The following ZNF229 variants were observed in gnomAD, a reference collection of about 807,000 sequenced individuals.
ZNF229 encodes the protein zinc finger protein 229.
ZNF229 carries 10 observed loss-of-function variants against 11.8 expected under a neutral mutation model. The ratio of observed to expected loss-of-function variants is 0.85; its 90% CI spans 0.52 to 1.44. ZNF229 has a LOEUF of 1.44. Among genes scored for constraint, ZNF229 ranks in the 40% most tolerant of loss-of-function variants. The pLI, the probability that ZNF229 is intolerant of heterozygous loss-of-function variation, is 0.00. For missense variants in ZNF229, 1,045 were observed against 1,015.1 expected, an observed-to-expected ratio of 1.03 and a Z score of -0.40; for synonymous variants, 368 against 374.8, an observed-to-expected ratio of 0.98 and a Z score of 0.21.
chr19:44,430,424 G>A lies in ZNF229; in HGVS notation c.357C>T (p.Ser119=). Residue 119 remains serine, a synonymous_variant, in exon 6 of 6, where the codon AGC becomes AGT. Coordinates refer to ENST00000614049, the MANE Select transcript of ZNF229 (RefSeq NM_014518.4). The stretch of plus-strand genomic sequence containing the variant: ...CTTGCAGATTTACTCTACAGTCTTG[G>A]CTCCCAGGTAATTCACCTGCCACCT... The part of the protein sequence containing the change: ...WEEVAGELPG[S]QDCRVNLQGK... 6.2e-7 allele frequency: 1 copy of A among 1,614,118 alleles called. No individual in the cohort carries two copies. The highest frequency in any genetic ancestry group is 8.5e-7 in the Non-Finnish European group (1 of 1,180,044).
In ZNF229 at chr19:44,428,793, T is replaced by C. The variant is rs61747137; in HGVS notation, c.1988A>G (p.Lys663Arg). 2.9e-5 allele frequency: 47 copies of C among 1,613,320 alleles called. No homozygotes were observed. The Admixed American group carries it at 7.7e-4, about 26-fold the overall frequency. Reference sequence around the variant, plus strand: ...AAGGCTTGATGTGCACCTAAAGCCCTTTCCGCACTCTTGGCATCTGTAAGG... The same window carrying C: ...AAGGCTTGATGTGCACCTAAAGCCCCTTCCGCACTCTTGGCATCTGTAAGG... ...EKPYRCQECG[K>R]GFRCTSSLHK... The change falls in exon 6 of 6, where the codon AAG becomes AGG. Residue 663 changes from lysine (K) to arginine (R), a missense_variant. Coordinates refer to ENST00000614049, the MANE Select transcript of ZNF229 (RefSeq NM_014518.4).
At chr19:44,430,667 G>A (rs17347726) in intron 5 of ZNF229, 125 bp from the exon 6 acceptor site, 1 of 844,868 alleles carries the variant, frequency 1.2e-6, no homozygotes, top group Non-Finnish European at 1.7e-6. Context: ...ATAACTATTA[G>A]AGCACTTATG....
chr19:44,431,760 T>C (rs1971726297), intron 5 of ZNF229: 2 of 987,868 alleles, frequency 2.0e-6, no homozygotes, highest in South Asian at 9.3e-5. Context: ...GGCCTCATGG[T>C]TCTCACCTGG....
intron 4 of ZNF229, among the ~76,000 whole-genome samples, chr19:44,434,467 T>C (rs957062502): frequency 6.6e-6 from 1 of 152,218 alleles, no homozygotes; most frequent in Non-Finnish European, 1.5e-5. Flanking sequence ...AATTTCAAAC[T>C]ATGCTGTGTC....
At chr19:44,442,503 CG>C (rs1971930089) in intron 4 of ZNF229, 59 bp downstream of exon 4, 1 of 1,563,078 alleles carries the variant, frequency 6.4e-7, no homozygotes, top group African/African-American at 1.4e-5. Flanking sequence ...CGAGAAGGGA[CG>C]TATGTTTTCT....
Position 44,429,324 on chromosome 19 carries a change from T to C in ZNF229, c.1457A>G (p.Glu486Gly). Residue 486 changes from glutamate (E) to glycine (G), a missense_variant, in exon 6 of 6, where the codon GAG becomes GGG. Physicochemically the swap from Glu to Gly is moderately conservative, Grantham distance 98. Transcript: ENST00000614049. The part of the protein sequence containing the change: ...LSSHQKTHTG[E>G]RPYQCDKCGK... ...ACACTTGTCACACTGGTAGGGCCTC[T>C]CGCCGGTGTGTGTCTTCTGATGACT... is the stretch of plus-strand genomic sequence containing the variant. The C allele has an allele frequency of 6.2e-7, 1 of 1,614,116 alleles. No individual in the cohort carries two copies. The highest frequency in any genetic ancestry group is 1.3e-5 in the African/African-American group (1 of 75,012).
intron 4 of ZNF229, among the ~76,000 whole-genome samples, chr19:44,434,487 T>C (rs1454074470): frequency 1.3e-5 from 2 of 151,770 alleles, no homozygotes; most frequent in Non-Finnish European, 2.9e-5. Context: ...CCCCTTCAGC[T>C]ACGAATGGTG....
At chr19:44,438,127 A>G (rs1231108558) in intron 4 of ZNF229, among the ~76,000 whole-genome samples, 1 of 152,230 alleles carries the variant, frequency 6.6e-6, no homozygotes, top group African/African-American at 2.4e-5. Context: ...AATTTTTAAA[A>G]AAGTAAAGAT....
rs367718283 is a variant in ZNF229, at chr19:44,429,444, G to C, written c.1337C>G (p.Ser446Cys). 1.2e-6 allele frequency: 2 copies of C among 1,613,694 alleles called. No individual in the cohort carries two copies. Among genetic ancestry groups the C allele is most frequent in the African/African-American group, 2.7e-5 (2 of 74,716 alleles). The change falls in exon 6 of 6, where the codon TCT (serine) becomes TGT (cysteine). Residue 446 changes from serine to cysteine, a missense_variant. By Grantham distance (112) the Ser-to-Cys change is moderately radical (BLOSUM62 -1). Transcript: ENST00000614049. ...AATGTGCTGGTGTTTGTGCAGTGCA[G>C]ACTTGGCACAGAAGCCTTTGCCACA... ...SECGKGFCAK[S>C]ALHKHQHIHP...
chr19:44,441,061 C>G (rs553609490), intron 4 of ZNF229, among the ~76,000 whole-genome samples: 176 of 152,028 alleles, frequency 1.2e-3, no homozygotes, highest in Non-Finnish European at 2.2e-3. Context: ...GATACTATAG[C>G]CAAGTCTTTG....
At chr19:44,435,504 A>C (rs1342171011) in intron 4 of ZNF229, among the ~76,000 whole-genome samples, 3 of 152,212 alleles carry the variant, frequency 2.0e-5, no homozygotes, top group Non-Finnish European at 4.4e-5. Flanking sequence ...AATAAATTGC[A>C]ACAAGGCCTG....
In ZNF229 at chr19:44,429,737, G is replaced by C; in HGVS notation, c.1044C>G (p.Pro348=). 1 of 1,614,082 alleles carries C rather than the reference G, an allele frequency of 6.2e-7. No homozygotes were observed. Among genetic ancestry groups the C allele is most frequent in the Admixed American group, 1.7e-5 (1 of 60,016 alleles). Residue 348 remains proline, a synonymous_variant, in exon 6 of 6, where the codon CCC becomes CCG. Transcript: ENST00000614049. ...CCTTTCCACAGACATCACATCTATA[G>C]GGCATGTCTCCCACAGGGGCTCTGG... ...NHPRAPVGDM[P]YRCDVCGKGF... is the part of the protein sequence containing the mutation.
At chr19:44,446,698 C>T (rs1042244413) in intron 2 of ZNF229, among the ~76,000 whole-genome samples, 1 of 152,198 alleles carries the variant, frequency 6.6e-6, no homozygotes, top group African/African-American at 2.4e-5. Context: ...ACTAGACATA[C>T]AGCAGTAAAT....
At chr19:44,443,284 G>A (rs1971948159) in intron 2 of ZNF229, among the ~76,000 whole-genome samples, 1 of 152,190 alleles carries the variant, frequency 6.6e-6, no homozygotes, top group Admixed American at 6.5e-5. Flanking sequence ...CAGAAGGGCA[G>A]AGAGACCCCA....
At chr19:44,444,449 G>A (rs944190887) in intron 2 of ZNF229, among the ~76,000 whole-genome samples, 3 of 152,078 alleles carry the variant, frequency 2.0e-5, no homozygotes, top group African/African-American at 4.8e-5. Context: ...CCCTGAACTG[G>A]GGATTGCCCT....
At chr19:44,440,577 C>T (rs2123372255) in intron 4 of ZNF229, among the ~76,000 whole-genome samples, 1 of 152,274 alleles carries the variant, frequency 6.6e-6, no homozygotes, top group African/African-American at 2.4e-5. Flanking sequence ...GAATTTAGCT[C>T]ACCAGAAGGT....
chr19:44,438,684 C>A (rs932951224), intron 4 of ZNF229, among the ~76,000 whole-genome samples: 1 of 152,122 alleles, frequency 6.6e-6, no homozygotes, highest in Non-Finnish European at 1.5e-5. Flanking sequence ...CTCCCCCAAC[C>A]TCCAGTGAGG....
rs1212568251 is a variant in ZNF229 at position 44,430,112 on chromosome 19, GC to G, written c.668del (p.Cys223SerfsTer14). 6.2e-7 allele frequency: 1 copy of G among 1,614,116 alleles called. No individual in the cohort carries two copies. Among genetic ancestry groups the G allele is most frequent in the Non-Finnish European group, 8.5e-7 (1 of 1,180,036 alleles). ...YKCNWDDDSF[C>X]WISCHVDHRF... is the part of the protein sequence containing the mutation. Reference sequence around the variant, plus strand: ...TGTGATCAACATGACAAGATATCCAGCAAAAGCTGTCATCATCCCAGTTACA... The same window carrying G: ...TGTGATCAACATGACAAGATATCCAGAAAAGCTGTCATCATCCCAGTTACA... On this transcript the variant is annotated frameshift_variant, in exon 6 of 6. Transcript: ENST00000614049. LOFTEE classifies it low-confidence loss of function (END_TRUNC).
At position 44,427,771 on chromosome 19, in the gene ZNF229, A is replaced by C. The variant is rs1046836322; in HGVS notation, c.*532T>G. On this transcript the variant is annotated 3_prime_UTR_variant, in exon 6 of 6. Transcript: ENST00000614049. The stretch of plus-strand genomic sequence containing the variant: ...AAAATGTGAGACACACACATCACCC[A>C]GATCTGCCAAGAGAACTTTGTTCCT... 6.5e-6 allele frequency: 1 copy of C among 153,436 alleles called. No individual in the cohort carries two copies. Among genetic ancestry groups the C allele is most frequent in the Non-Finnish European group, 1.4e-5 (1 of 68,974 alleles). The allele number at this position is 153,436 out of a possible 1,614,324, so 9.5% of individuals were successfully genotyped here.
Sources: gnomAD v4.1 joint callset for allele counts (sites outside exome capture counted in the v4.1 genomes callset) on GRCh38, gnomAD v4.1.1 for gene constraint, MANE v1.5 for transcripts, NCBI Gene and HGNC (gene_info 2026-07-23, HGNC 2026-07-21) for gene names.